The following FXR1 variants were observed in gnomAD, a reference collection of about 807,000 sequenced individuals.
FXR1 encodes the protein FMR1 autosomal homolog 1.
In FXR1, 15 loss-of-function variants were observed where a neutral mutation model predicts 84.0. That is an observed-to-expected ratio of 0.18 (90% CI 0.12 to 0.27). The LOEUF (loss-of-function observed/expected upper bound fraction) is 0.27. Among genes scored for constraint, FXR1 ranks in the 10% least tolerant of loss-of-function variants. The pLI, the probability that FXR1 is intolerant of heterozygous loss-of-function variation, is 1.00. For missense variants in FXR1, 480 were observed against 774.4 expected (o/e 0.62, Z 4.51); for synonymous variants, 245 against 250.7 (o/e 0.98, Z 0.21).
intron 3 of FXR1, among the ~76,000 whole-genome samples, chr3:180,942,317 G>C (rs1279889689): frequency 7.2e-6 from 1 of 138,802 alleles, no homozygotes; most frequent in Non-Finnish European, 1.5e-5. Flanking sequence ...GGTGGAGCTC[G>C]CAGTGAGCTG....
Position 180,962,951 on chromosome 3 carries a change from C to A in FXR1, c.1135+11C>A, listed in dbSNP as rs1465629249. The stretch of plus-strand genomic sequence containing the variant: ...AGCTGCGACAGATTGGTATGGGTTT[C>A]AGACCTTCTTCCACCAGAGGGCCTG... On this transcript the variant is annotated intron_variant, in intron 12 of 16. Coordinates refer to ENST00000357559, the MANE Select transcript of FXR1 (RefSeq NM_005087.4). 1 of 1,612,554 alleles carries A rather than the reference C, an allele frequency of 6.2e-7. No individual in the cohort carries two copies. Among genetic ancestry groups the A allele is most frequent in the African/African-American group, 1.3e-5 (1 of 74,870 alleles).
At chr3:180,936,815 A>G (rs900064615) in intron 3 of FXR1, among the ~76,000 whole-genome samples, 3 of 152,224 alleles carry the variant, frequency 2.0e-5, no homozygotes, top group African/African-American at 7.2e-5. Context: ...AACTTAGTGC[A>G]AATAATTAAA....
At chr3:180,927,205 C>T (rs925531167) in intron 1 of FXR1, among the ~76,000 whole-genome samples, 2 of 152,028 alleles carry the variant, frequency 1.3e-5, no homozygotes, top group African/African-American at 4.8e-5. Context: ...AAAAGTATTT[C>T]ATCATTTGGT....
intron 1 of FXR1, among the ~76,000 whole-genome samples, chr3:180,923,303 TC>T (rs1339371587): frequency 6.6e-6 from 1 of 152,134 alleles, no homozygotes; most frequent in Non-Finnish European, 1.5e-5. Flanking sequence ...TGAGAATTAC[TC>T]CAAAGAGTCT....
Position 180,977,832 on chromosome 3 carries a change from T to A in FXR1, c.*1540T>A, listed in dbSNP as rs564447131. On this transcript the variant is annotated 3_prime_UTR_variant, in exon 17 of 17. Transcript: ENST00000357559. The stretch of plus-strand genomic sequence containing the variant: ...CTCTGAAGGATAATTCAGGGTATAG[T>A]TAAAAATGTACAATGTGCCAGTTCA... The A allele has an allele frequency of 5.7e-4, 86 of 152,212 alleles. No individual in the cohort carries two copies. The highest frequency in any genetic ancestry group is 1.9e-3 in the African/African-American group (77 of 41,556). The allele number at this position is 152,212 out of a possible 1,614,324, so 9.4% of individuals were successfully genotyped here.
chr3:180,951,406 G>C lies in FXR1; in HGVS notation c.739G>C (p.Val247Leu). The C allele has an allele frequency of 6.2e-7, 1 of 1,611,416 alleles. No individual in the cohort carries two copies. The change falls in exon 8 of 17, where the codon GTT (valine) becomes CTT (leucine). Residue 247 changes from valine to leucine, a missense_variant. By Grantham distance (32) the Val-to-Leu change is conservative (BLOSUM62 1). Transcript: ENST00000357559. ...HGSNIQQARK[V>L]PGVTAIELDE... The stretch of plus-strand genomic sequence containing the variant: ...TAGTAACATCCAGCAAGCTAGGAAG[G>C]TTCCTGGAGTTACCGCCATTGAGCT...
intron 3 of FXR1, among the ~76,000 whole-genome samples, chr3:180,940,121 T>C (rs1475415780): frequency 6.6e-6 from 1 of 152,230 alleles, no homozygotes; most frequent in Admixed American, 6.5e-5. Flanking sequence ...AGACAACATA[T>C]GATTTATAGT....
chr3:180,959,572 A>G (rs1056423079), intron 10 of FXR1, among the ~76,000 whole-genome samples: 3 of 152,234 alleles, frequency 2.0e-5, no homozygotes, highest in Admixed American at 6.5e-5. Flanking sequence ...TATTAAATCA[A>G]ATACATGAAA....
At chr3:180,935,673 C>G (rs115359049) in intron 3 of FXR1, among the ~76,000 whole-genome samples, 64 of 152,174 alleles carry the variant, frequency 4.2e-4, no homozygotes, top group Non-Finnish European at 7.4e-4. Flanking sequence ...TTGTAACTAG[C>G]TTTCTGCCTT....
At chr3:180,945,186 T>C (rs1721568401) in intron 3 of FXR1, among the ~76,000 whole-genome samples, 1 of 152,242 alleles carries the variant, frequency 6.6e-6, no homozygotes, top group Non-Finnish European at 1.5e-5. Context: ...TTGGAACTTT[T>C]AATGACATCT....
rs565705052 is a variant in FXR1, at chr3:180,974,309, C to T, written c.1604-1004C>T. Among the ~76,000 whole-genome samples, 3 of 152,230 alleles carry T rather than the reference C, an allele frequency of 2.0e-5. No homozygotes were observed. In the South Asian group the frequency reaches 6.2e-4, roughly 32 times the overall value. On this transcript the variant is annotated intron_variant, in intron 15 of 16. Coordinates refer to ENST00000357559, the MANE Select transcript of FXR1 (RefSeq NM_005087.4). ...AGGTAGCTGGAATTACAGGCTGTGT[C>T]ACCACGCCTGGCTAATTCTGACGGG...
chr3:180,920,830 C>T (rs891163210), intron 1 of FXR1, among the ~76,000 whole-genome samples: 3 of 151,984 alleles, frequency 2.0e-5, no homozygotes, highest in African/African-American at 7.3e-5. Flanking sequence ...TTTGGGTGGC[C>T]ATTTGGAACT....
In FXR1 at chr3:180,963,121, G is replaced by A. The variant is rs949928404; in HGVS notation, c.1198+31G>A. ...AAAAAATTTTTTTTTTTTTTTTTTGGTAATAGTAATAATAGTAGTTATAGT... is the reference window on the plus strand; with the variant it reads ...AAAAAATTTTTTTTTTTTTTTTTTGATAATAGTAATAATAGTAGTTATAGT... On this transcript the variant is annotated intron_variant, in intron 13 of 16. Coordinates refer to ENST00000357559, the MANE Select transcript of FXR1 (RefSeq NM_005087.4). 4 of 810,612 alleles carry A rather than the reference G, an allele frequency of 4.9e-6. No individual in the cohort carries two copies. The Middle Eastern group carries it at 8.6e-4, about 173-fold the overall frequency. 50.2% of individuals were successfully genotyped at this position (810,612 alleles called of 1,614,324 possible).
At chr3:180,938,868 T>C (rs73176329) in intron 3 of FXR1, among the ~76,000 whole-genome samples, 77 of 151,942 alleles carry the variant, frequency 5.1e-4, no homozygotes, top group Non-Finnish European at 9.1e-4. Context: ...ATCTTTTTTG[T>C]GTTTTTTTCT....
Position 180,963,081 on chromosome 3 carries a change from T to G in FXR1, c.1189T>G (p.Ser397Ala). The G allele has an allele frequency of 3.7e-6, 5 of 1,362,438 alleles. No individual in the cohort carries two copies. Among genetic ancestry groups the G allele is most frequent in the Non-Finnish European group, 5.1e-6 (5 of 972,226 alleles). The allele number at this position is 1,362,438 out of a possible 1,614,324, so 84.4% of individuals were successfully genotyped here. The change falls in exon 13 of 17, where the codon TCC (serine) becomes GCC (alanine). Residue 397 changes from serine to alanine, a missense_variant. Physicochemically the swap from Ser to Ala is moderately conservative, Grantham distance 99. Coordinates refer to ENST00000357559, the MANE Select transcript of FXR1 (RefSeq NM_005087.4). ...GRGRRGPNYT[S>A]GYGTNSELSN... ...AGGTCGTCGGGGACCTAATTACACC[T>G]CCGGTTATGGTAAAAAAAAATTTTT...
intron 10 of FXR1, 57 bp downstream of exon 10, chr3:180,957,985 A>T: frequency 2.7e-6 from 2 of 739,960 alleles, no homozygotes; most frequent in Non-Finnish European, 4.7e-6. Flanking sequence ...GGCCAACTTA[A>T]TAGTTGTAAA....
At chr3:180,968,413 C>T (rs1424740514) in intron 14 of FXR1, 159 bp downstream of exon 14, 1 of 596,054 alleles carries the variant, frequency 1.7e-6, no homozygotes, top group Non-Finnish European at 3.0e-6. Context: ...AGGAAAAGCC[C>T]TCGTAGAGTG....
intron 1 of FXR1, chr3:180,927,693 T>A: frequency 1.9e-6 from 1 of 513,758 alleles, no homozygotes; most frequent in South Asian, 3.1e-5. Context: ...ATCTTCATAG[T>A]AAGGTAGGAT....
chr3:180,951,708 G>A (rs1180312461), intron 8 of FXR1, among the ~76,000 whole-genome samples: 5 of 152,174 alleles, frequency 3.3e-5, no homozygotes, highest in Non-Finnish European at 7.3e-5. Context: ...TTTCTTAACC[G>A]CTTCTGAGTT....
Sources: gnomAD v4.1 joint callset for allele counts (sites outside exome capture counted in the v4.1 genomes callset) on GRCh38, gnomAD v4.1.1 for gene constraint, MANE v1.5 for transcripts, NCBI Gene and HGNC (gene_info 2026-07-23, HGNC 2026-07-21) for gene names.